The following RYR1 variants were observed in gnomAD, a reference collection of about 807,000 sequenced individuals.
RYR1 encodes the protein ryanodine receptor 1.
In RYR1, 342 loss-of-function variants were observed where a neutral mutation model predicts 583.5. That is an observed-to-expected ratio of 0.59 (90% CI 0.54 to 0.64). RYR1 has a LOEUF of 0.64. RYR1 is among the 30% of genes least tolerant of loss of function. The pLI, the probability that RYR1 is intolerant of heterozygous loss-of-function variation, is 0.00. For missense variants in RYR1, 6,032 were observed against 6,917.2 expected (o/e 0.87, Z 4.54); for synonymous variants, 2,791 against 2,822.5 (o/e 0.99, Z 0.35).
At chr19:38,578,273 G>T in intron 99 of RYR1, 69 bp downstream of exon 99, 1 of 1,518,740 alleles carries the variant, frequency 6.6e-7, no homozygotes, top group Non-Finnish European at 9.0e-7. Context: ...TCCCAACGTC[G>T]GGTGTTCCTG....
chr19:38,447,001 A>C (rs1972974434), intron 9 of RYR1, among the ~76,000 whole-genome samples: 2 of 151,584 alleles, frequency 1.3e-5, no homozygotes, highest in Admixed American at 6.6e-5. Context: ...CCAGAAGTTC[A>C]AAACCAGCCT....
chr19:38,542,393 A>G (rs1041925110), intron 84 of RYR1, among the ~76,000 whole-genome samples: 3 of 152,128 alleles, frequency 2.0e-5, no homozygotes, highest in African/African-American at 2.4e-5. Flanking sequence ...CTGAATCTCT[A>G]TTTCTCCCTG....
At chr19:38,547,036 T>C (rs1363498553) in intron 88 of RYR1, among the ~76,000 whole-genome samples, 5 of 13,746 alleles carry the variant, frequency 3.6e-4, no homozygotes, top group South Asian at 2.3e-3. Context: ...TTAGGATCCC[T>C]TTTTTTTTTT....
chr19:38,489,744 T>C (rs1393402343), intron 35 of RYR1, among the ~76,000 whole-genome samples: 1 of 152,214 alleles, frequency 6.6e-6, no homozygotes, highest in Non-Finnish European at 1.5e-5. Context: ...TTCTCCTGCC[T>C]CAGCCTCCTG....
intron 28 of RYR1, among the ~76,000 whole-genome samples, chr19:38,474,546 A>T (rs1968611701): frequency 2.3e-5 from 3 of 127,736 alleles, no homozygotes; most frequent in Admixed American, 8.4e-5. Flanking sequence ...TATAGACATG[A>T]GCTACCACGC....
In RYR1 at chr19:38,565,602, A is replaced by C. The variant is rs1358394495; in HGVS notation, c.13268A>C (p.Glu4423Ala). 1.4e-6 allele frequency: 2 copies of C among 1,449,932 alleles called. No individual in the cohort carries two copies. The highest frequency in any genetic ancestry group is 1.5e-5 in the African/African-American group (1 of 67,410). 89.8% of individuals were successfully genotyped at this position (1,449,932 alleles called of 1,614,324 possible). Residue 4423 changes from glutamate to alanine, a missense_variant, in exon 91 of 106, where the codon GAG (glutamate) becomes GCG (alanine). By Grantham distance (107) the Glu-to-Ala change is moderately radical. This residue lies in a region of RYR1 where 753 missense variants were observed against 759.6 expected (regional missense o/e 0.99). Coordinates refer to ENST00000359596, the MANE Select transcript of RYR1 (RefSeq NM_000540.3). This position sits in a 1 kb window ranked among gnomAD's most constrained non-coding sequence, Gnocchi z 4.7. ...GCCGCGGAGGGCGCTGGAGACGAGG[A>C]GGAGGCGGTGCACGAGGCCGGGCCG... ...GDAAEGAGDE[E>A]EAVHEAGPGG...
intron 76 of RYR1, among the ~76,000 whole-genome samples, chr19:38,531,799 A>G: frequency 6.6e-6 from 1 of 152,176 alleles, no homozygotes; most frequent in East Asian, 1.9e-4. Flanking sequence ...CCAACTACTC[A>G]GGAGGCTGAT....
chr19:38,478,662 T>C, intron 31 of RYR1, 62 bp downstream of exon 31: 1 of 1,565,442 alleles, frequency 6.4e-7, no homozygotes, highest in Non-Finnish European at 8.7e-7. Flanking sequence ...GGACAGCTCT[T>C]ATAGATGTCC....
rs1314705351 is a variant in RYR1 at position 38,570,690 on chromosome 19, T to C, written c.13743T>C (p.Tyr4581=). 1.2e-6 allele frequency: 2 copies of C among 1,613,522 alleles called. No individual in the cohort carries two copies. The highest frequency in any genetic ancestry group is 1.1e-5 in the South Asian group (1 of 91,070). The part of the protein sequence containing the change: ...AFAINFILLF[Y]KVSDSPPGED... Reference sequence around the variant, plus strand: ...CCATCAACTTCATCTTGCTGTTTTATAAGGTGCTGGTCCTGAAGGGCTGGG... The same window carrying C: ...CCATCAACTTCATCTTGCTGTTTTACAAGGTGCTGGTCCTGAAGGGCTGGG... The change falls in exon 94 of 106, where the codon TAT becomes TAC. Residue 4581 remains tyrosine, a synonymous_variant. Transcript: ENST00000359596.
intron 42 of RYR1, among the ~76,000 whole-genome samples, chr19:38,498,805 T>C (rs541794692): frequency 1.3e-5 from 2 of 152,300 alleles, no homozygotes; most frequent in African/African-American, 4.8e-5. Context: ...CCGGCTTCTT[T>C]ACTGCAGCCT....
chr19:38,505,993 G>C, intron 54 of RYR1, 47 bp downstream of exon 54: 5 of 1,584,414 alleles, frequency 3.2e-6, no homozygotes, highest in Non-Finnish European at 3.4e-6. Flanking sequence ...TGGGGGGAGG[G>C]TCTAGAACAA....
rs200858399 is a variant in RYR1 at position 38,532,555 on chromosome 19, C to G, written c.11193+14C>G. The G allele has an allele frequency of 3.7e-6, 6 of 1,614,154 alleles. No individual in the cohort carries two copies. Among genetic ancestry groups the G allele is most frequent in the Non-Finnish European group, 2.5e-6 (3 of 1,180,014 alleles). On this transcript the variant is annotated intron_variant, in intron 77 of 105. Coordinates refer to ENST00000359596, the MANE Select transcript of RYR1 (RefSeq NM_000540.3). The stretch of plus-strand genomic sequence containing the variant: ...ATCATGGCAAAGGTGAGGCCCTACC[C>G]CCCTCTTCTGGGGCAGATTTCCCTC...
chr19:38,454,975 G>T (rs997835116), intron 13 of RYR1, among the ~76,000 whole-genome samples: 1 of 151,980 alleles, frequency 6.6e-6, no homozygotes, highest in Non-Finnish European at 1.5e-5. Flanking sequence ...CTCAGTCCTG[G>T]TGTTAATAAG....
intron 77 of RYR1, 52 bp from the exon 78 acceptor site, chr19:38,532,619 C>A: frequency 6.2e-7 from 1 of 1,613,068 alleles, no homozygotes. Context: ...AGGGCTGGGG[C>A]GGGATGGAGG....
At chr19:38,523,148 C>T (rs749283026) in intron 68 of RYR1, 33 bp downstream of exon 68, 4 of 1,613,606 alleles carry the variant, frequency 2.5e-6, no homozygotes, top group Non-Finnish European at 3.4e-6. Flanking sequence ...CTCCCCACAA[C>T]CAGAGGAGCC....
chr19:38,490,856 GA>G (rs1240251571), intron 37 of RYR1, 124 bp downstream of exon 37: 2 of 719,700 alleles, frequency 2.8e-6, no homozygotes, highest in Non-Finnish European at 5.1e-6. Flanking sequence ...TTGGTTGAAT[GA>G]ATGAATGAGT....
In RYR1 at chr19:38,440,612, G is replaced by T. The variant is rs1972625712; in HGVS notation, c.46-133G>T. The T allele has an allele frequency of 8.7e-6, 8 of 921,482 alleles. 1 individual carries two copies. Among genetic ancestry groups the T allele is most frequent in the South Asian group, 6.3e-5 (4 of 63,786 alleles). The allele number at this position is 921,482 out of a possible 1,614,324, so 57.1% of individuals were successfully genotyped here. On this transcript the variant is annotated intron_variant, in intron 1 of 105. Transcript: ENST00000359596. ...AAGGAGTTGTCAGGAGCAGGTAGAGGGCTTGGGTGGGTTGATCTTGTCAGT... is the reference window on the plus strand; with the variant it reads ...AAGGAGTTGTCAGGAGCAGGTAGAGTGCTTGGGTGGGTTGATCTTGTCAGT...
intron 99 of RYR1, 69 bp from the exon 100 acceptor site, chr19:38,579,913 C>T: frequency 6.2e-7 from 1 of 1,606,328 alleles, no homozygotes; most frequent in Admixed American, 1.7e-5. Flanking sequence ...CTCGAGTGGC[C>T]CCTACCCTCC....
intron 42 of RYR1, among the ~76,000 whole-genome samples, chr19:38,497,205 G>A (rs116989106): frequency 4.0e-5 from 6 of 149,334 alleles, no homozygotes; most frequent in East Asian, 3.9e-4. Context: ...CTACGCTTCC[G>A]GGATGGGGGC....
Sources: gnomAD v4.1 joint callset for allele counts (sites outside exome capture counted in the v4.1 genomes callset) on GRCh38, gnomAD v4.1.1 for gene constraint, gnomAD v4.1.1 regional missense constraint, Gnocchi (gnomAD v3.1) non-coding constraint, MANE v1.5 for transcripts, NCBI Gene and HGNC (gene_info 2026-07-23, HGNC 2026-07-21) for gene names.